The following PPM1D variants were observed in gnomAD, a reference collection of about 807,000 sequenced individuals.
The protein encoded by PPM1D is protein phosphatase, Mg2+/Mn2+ dependent 1D.
PPM1D carries 52 observed loss-of-function variants against 58.3 expected under a neutral mutation model. The ratio of observed to expected loss-of-function variants is 0.89; its 90% CI spans 0.71 to 1.12. The LOEUF is 1.12. Among genes scored for constraint, PPM1D ranks in the 50% most tolerant of loss-of-function variants. PPM1D has a pLI of 0.00. For synonymous variants in PPM1D, 278 were observed against 285.1 expected (o/e 0.98, Z 0.25); for missense variants, 564 against 777.2 (o/e 0.73, Z 3.26).
At chr17:60,605,628 C>T (rs915590768) in intron 1 of PPM1D, among the ~76,000 whole-genome samples, 3 of 152,150 alleles carry the variant, frequency 2.0e-5, no homozygotes, top group African/African-American at 4.8e-5. Context: ...CCAGGCCAGG[C>T]GTGGTGGCTC....
chr17:60,666,046 G>C lies in PPM1D; in HGVS notation c.*2494G>C, dbSNP rs1028893061. 2.0e-5 allele frequency: 3 copies of C among 152,138 alleles called. No homozygotes were observed. Among genetic ancestry groups the C allele is most frequent in the Admixed American group, 2.0e-4 (3 of 15,270 alleles). 9.4% of individuals were successfully genotyped at this position (152,138 alleles called of 1,614,324 possible). On this transcript the variant is annotated 3_prime_UTR_variant, in exon 6 of 6. Coordinates refer to ENST00000305921, the MANE Select transcript of PPM1D (RefSeq NM_003620.4). ...ACACAAGGCATGAATTCTAGGAGGTGGGCATTTTTAAGTGTCATCTGGAAG... is the reference window on the plus strand; with the variant it reads ...ACACAAGGCATGAATTCTAGGAGGTCGGCATTTTTAAGTGTCATCTGGAAG...
intron 1 of PPM1D, among the ~76,000 whole-genome samples, chr17:60,609,586 G>T (rs113651606): frequency 8.5e-5 from 13 of 152,090 alleles, no homozygotes; most frequent in African/African-American, 2.9e-4. Flanking sequence ...ATCTTGTCTC[G>T]TCCCACTGTG....
chr17:60,655,409 C>G (rs992365065), intron 4 of PPM1D, among the ~76,000 whole-genome samples: 4 of 152,192 alleles, frequency 2.6e-5, no homozygotes, highest in African/African-American at 9.7e-5. Flanking sequence ...AGTGCAGTGG[C>G]GTGATCTCGG....
intron 1 of PPM1D, among the ~76,000 whole-genome samples, chr17:60,621,563 A>ATTTTTTTT (rs775950363): frequency 2.1e-5 from 2 of 96,130 alleles, no homozygotes; most frequent in African/African-American, 3.8e-5. Flanking sequence ...TATTTTTTGT[A>ATTTTTTTT]TTTTTTTTTT....
chr17:60,638,188 T>C (rs2031062066), intron 3 of PPM1D, among the ~76,000 whole-genome samples: 1 of 152,200 alleles, frequency 6.6e-6, no homozygotes, highest in African/African-American at 2.4e-5. Context: ...TGAATTAATA[T>C]TTTGATAAAA....
chr17:60,633,828 A>T, intron 2 of PPM1D, 25 bp from the exon 3 acceptor site: 1 of 1,583,988 alleles, frequency 6.3e-7, no homozygotes, highest in Non-Finnish European at 8.6e-7. Flanking sequence ...CATTTAGATT[A>T]TTTATGTGAA....
At chr17:60,611,426 T>A (rs1167247507) in intron 1 of PPM1D, among the ~76,000 whole-genome samples, 1 of 151,848 alleles carries the variant, frequency 6.6e-6, no homozygotes, top group East Asian at 1.9e-4. Context: ...TGGGGTTTTT[T>A]TGTTTTGTTG....
At chr17:60,616,780 A>G (rs1431813759) in intron 1 of PPM1D, among the ~76,000 whole-genome samples, 1 of 152,226 alleles carries the variant, frequency 6.6e-6, no homozygotes, top group African/African-American at 2.4e-5. Flanking sequence ...GGTCATTGCA[A>G]AATATCTCTT....
intron 3 of PPM1D, among the ~76,000 whole-genome samples, chr17:60,634,494 A>C (rs936379924): frequency 1.3e-5 from 2 of 152,130 alleles, no homozygotes; most frequent in Non-Finnish European, 2.9e-5. Context: ...GCTAATTTCT[A>C]TCTCTGTTTA....
intron 1 of PPM1D, among the ~76,000 whole-genome samples, chr17:60,610,176 CAAA>C (rs57245998): frequency 8.6e-5 from 6 of 69,842 alleles, no homozygotes; most frequent in Admixed American, 1.7e-4. Context: ...GAGACTGTCT[CAAA>C]AAAAAAAAAA....
chr17:60,614,859 C>A (rs2030549317), intron 1 of PPM1D, among the ~76,000 whole-genome samples: 2 of 152,112 alleles, frequency 1.3e-5, no homozygotes, highest in Admixed American at 1.3e-4. Flanking sequence ...CCGAACACAT[C>A]CGAACATCAG....
intron 3 of PPM1D, among the ~76,000 whole-genome samples, chr17:60,635,434 T>A (rs538111919): frequency 1.3e-5 from 2 of 152,250 alleles, no homozygotes; most frequent in South Asian, 4.1e-4. Context: ...AGACTGGTCT[T>A]GAACTCCTGA....
chr17:60,635,129 C>T (rs1354231663), intron 3 of PPM1D, among the ~76,000 whole-genome samples: 1 of 152,046 alleles, frequency 6.6e-6, no homozygotes, highest in African/African-American at 2.4e-5. Context: ...TCTTCTTTCA[C>T]ACCCTGACTG....
Position 60,664,383 on chromosome 17 carries a change from C to G in PPM1D, c.*831C>G, listed in dbSNP as rs2143735266. ...GCTATTTCAATAACAGATGGTGCTGCTAATTCCCAACATTTCTTAAATTAT... is the reference window on the plus strand; with the variant it reads ...GCTATTTCAATAACAGATGGTGCTGGTAATTCCCAACATTTCTTAAATTAT... On this transcript the variant is annotated 3_prime_UTR_variant, in exon 6 of 6. Coordinates refer to ENST00000305921, the MANE Select transcript of PPM1D (RefSeq NM_003620.4). 1 of 152,728 alleles carries G rather than the reference C, an allele frequency of 6.5e-6. No homozygotes were observed. Among genetic ancestry groups the G allele is most frequent in the Middle Eastern group, 3.4e-3 (1 of 294 alleles). 9.5% of individuals were successfully genotyped at this position (152,728 alleles called of 1,614,324 possible).
At chr17:60,644,225 A>C (rs1034540348) in intron 3 of PPM1D, among the ~76,000 whole-genome samples, 1 of 152,092 alleles carries the variant, frequency 6.6e-6, no homozygotes, top group Non-Finnish European at 1.5e-5. Flanking sequence ...CATGAATGAT[A>C]AAAACAAAAC....
intron 3 of PPM1D, among the ~76,000 whole-genome samples, chr17:60,635,620 A>G (rs7212086): frequency 0.047 from 7,092 of 152,248 alleles, 588 homozygotes; most frequent in African/African-American, 0.16. Context: ...TAATATTTCT[A>G]CAGTAAGCAG....
At position 60,604,995 on chromosome 17, in the gene PPM1D, T is replaced by A. The variant is rs542706175; in HGVS notation, c.472+4109T>A. Among the ~76,000 whole-genome samples, 7 of 152,120 alleles carry A rather than the reference T, an allele frequency of 4.6e-5. No individual in the cohort carries two copies. In the East Asian group the frequency reaches 5.8e-4, roughly 13 times the overall value. On this transcript the variant is annotated intron_variant, in intron 1 of 5. Coordinates refer to ENST00000305921, the MANE Select transcript of PPM1D (RefSeq NM_003620.4). The stretch of plus-strand genomic sequence containing the variant: ...CATCATACCCAGCTAATTTTTGTAT[T>A]TTTTTTAGCAGAGATGGGGTTTCGC...
At chr17:60,653,547 G>A (rs928541919) in intron 4 of PPM1D, among the ~76,000 whole-genome samples, 2 of 152,074 alleles carry the variant, frequency 1.3e-5, no homozygotes, top group Non-Finnish European at 2.9e-5. Flanking sequence ...TATGAATTCT[G>A]AGCTTAAAGA....
intron 3 of PPM1D, among the ~76,000 whole-genome samples, chr17:60,642,410 T>A (rs1378810462): frequency 6.6e-6 from 1 of 150,826 alleles, no homozygotes; most frequent in East Asian, 1.9e-4. Flanking sequence ...AATGAACGAT[T>A]TGTGAATTGG....
Sources: gnomAD v4.1 joint callset for allele counts (sites outside exome capture counted in the v4.1 genomes callset) on GRCh38, gnomAD v4.1.1 for gene constraint, MANE v1.5 for transcripts, NCBI Gene and HGNC (gene_info 2026-07-23, HGNC 2026-07-21) for gene names.